The following AGMO variants were observed in gnomAD, a reference collection of about 807,000 sequenced individuals.
The protein encoded by AGMO is glyceryl-ether monooxygenase.
Under a neutral mutation model 60.2 loss-of-function variants are expected in AGMO, and 75 were observed. The observed-to-expected ratio is 1.25, with a 90% CI of 1.03 to 1.51. The LOEUF (loss-of-function observed/expected upper bound fraction) is 1.51. Among genes scored for constraint, AGMO ranks in the 40% most tolerant of loss-of-function variants. The pLI, the probability that AGMO is intolerant of heterozygous loss-of-function variation, is 0.00. For synonymous variants in AGMO, 261 were observed against 177.1 expected (o/e 1.47, Z -3.76); for missense variants, 763 against 525.5 (o/e 1.45, Z -4.42).
chr7:15,189,565 T>G, the AGMO span, among the ~76,000 whole-genome samples: 2 of 152,090 alleles, frequency 1.3e-5, no homozygotes, highest in African/African-American at 4.8e-5. Context: ...TTTTTTGAAG[T>G]GAAGTCAGCC....
chr7:15,406,922 T>TACACAC (rs573526404), intron 5 of AGMO, among the ~76,000 whole-genome samples: 1,639 of 109,144 alleles, frequency 0.015, 36 homozygotes, highest in African/African-American at 0.051. Flanking sequence ...TTGTTTGGAA[T>TACACAC]ACACACGCGC....
At chr7:15,185,518 T>G in the AGMO span, among the ~76,000 whole-genome samples, 1 of 152,214 alleles carries the variant, frequency 6.6e-6, no homozygotes, top group East Asian at 1.9e-4. Context: ...CTAGGTGATC[T>G]ATGGCCCTAG....
chr7:15,196,812 T>C (rs560191845), downstream of AGMO, among the ~76,000 whole-genome samples: 2 of 152,314 alleles, frequency 1.3e-5, no homozygotes, highest in East Asian at 3.9e-4. Context: ...ATGAAGTTAT[T>C]ATGATTCATG....
intron 12 of AGMO, among the ~76,000 whole-genome samples, chr7:15,207,900 C>T (rs920521326): frequency 5.9e-5 from 9 of 152,146 alleles, no homozygotes; most frequent in Admixed American, 5.2e-4. Context: ...TGCCACTGCA[C>T]TCCAGCCTGG....
chr7:15,382,671 C>T (rs1048655391), intron 10 of AGMO, among the ~76,000 whole-genome samples: 7 of 152,050 alleles, frequency 4.6e-5, no homozygotes, highest in Non-Finnish European at 7.4e-5. Context: ...TTAGAGAAGC[C>T]CTTTTAGAAG....
chr7:15,315,039 C>T (rs1040966587), intron 12 of AGMO, among the ~76,000 whole-genome samples: 2 of 152,066 alleles, frequency 1.3e-5, no homozygotes, highest in Non-Finnish European at 2.9e-5. Context: ...AAATGGGAAC[C>T]TAAGTCCTAT....
intron 12 of AGMO, among the ~76,000 whole-genome samples, chr7:15,310,067 C>G (rs1780725633): frequency 6.6e-6 from 1 of 152,052 alleles, no homozygotes; most frequent in Non-Finnish European, 1.5e-5. Context: ...TCCCAAGCTC[C>G]CCACATGCTT....
chr7:15,430,612 A>T lies in AGMO; in HGVS notation c.513+393T>A, dbSNP rs568537034. On this transcript the variant is annotated intron_variant, in intron 4 of 12. Coordinates refer to ENST00000342526, the MANE Select transcript of AGMO (RefSeq NM_001004320.2). ...AATTAGTTGTTTTTTTTAAAAAAAA[A>T]AAACAACTGGTTTTTTTTAAAAAAA... is the stretch of plus-strand genomic sequence containing the variant. Among the ~76,000 whole-genome samples, 645 of 135,922 alleles carry T rather than the reference A, an allele frequency of 4.7e-3. 5 individuals carry two copies. The highest frequency in any genetic ancestry group is 0.017 in the African/African-American group (616 of 36,738). The allele number at this position is 135,922 out of a possible 152,430, so 89.2% of individuals were successfully genotyped here. A position where few individuals can be genotyped will look rare whatever the true frequency, so the allele number is the denominator to read the frequency against.
intron 12 of AGMO, among the ~76,000 whole-genome samples, chr7:15,218,912 G>T (rs1172045946): frequency 6.6e-6 from 1 of 152,110 alleles, no homozygotes; most frequent in Non-Finnish European, 1.5e-5. Flanking sequence ...TTCAGTGCTA[G>T]ACTGAATAAG....
In AGMO at chr7:15,226,830, AT is replaced by A. The variant is rs1382279912; in HGVS notation, c.1264-25472del. On this transcript the variant is annotated intron_variant, in intron 12 of 12. Transcript: ENST00000342526. ...CACTATTAAAGTCACTGTCTGAAGAATTTTTATATTCATGAAAAATAGTCTG... is the reference window on the plus strand; with the variant it reads ...CACTATTAAAGTCACTGTCTGAAGAATTTTATATTCATGAAAAATAGTCTG... 2.0e-5 allele frequency among the ~76,000 whole-genome samples: 3 copies of A among 152,232 alleles called. No homozygotes were observed. The East Asian group carries it at 5.8e-4, about 29-fold the overall frequency.
intron 10 of AGMO, among the ~76,000 whole-genome samples, chr7:15,372,225 CG>C (rs1783249884): frequency 6.6e-6 from 1 of 151,892 alleles, no homozygotes; most frequent in Non-Finnish European, 1.5e-5. Flanking sequence ...CTGAGGTGAG[CG>C]GATCACTTGA....
chr7:15,551,937 A>AACCAAAACAGCATGGTACTGGT, intron 2 of AGMO, among the ~76,000 whole-genome samples: 1 of 151,642 alleles, frequency 6.6e-6, no homozygotes, highest in African/African-American at 2.4e-5. Context: ...AGGCTACAGT[A>AACCAAAACAGCATGGTACTGGT]ACCAAAACAG....
At chr7:15,409,990 AAAAT>A (rs909562052) in intron 5 of AGMO, among the ~76,000 whole-genome samples, 2 of 151,548 alleles carry the variant, frequency 1.3e-5, no homozygotes, top group Non-Finnish European at 2.9e-5. Context: ...GGCTCACAAT[AAAAT>A]AAATAAATAA....
intron 5 of AGMO, chr7:15,396,282 G>A (rs1784377526): frequency 6.6e-6 from 1 of 152,304 alleles, no homozygotes; most frequent in African/African-American, 2.4e-5. Context: ...CTCCGGAGTT[G>A]TTCTTCACAC....
intron 12 of AGMO, among the ~76,000 whole-genome samples, chr7:15,249,870 T>C (rs1487816527): frequency 6.6e-6 from 1 of 152,204 alleles, no homozygotes; most frequent in Admixed American, 6.5e-5. Flanking sequence ...CAATGGTTTC[T>C]AAAATTTAGC....
intron 12 of AGMO, among the ~76,000 whole-genome samples, chr7:15,357,040 C>G (rs1010207095): frequency 1.3e-5 from 2 of 150,154 alleles, no homozygotes; most frequent in African/African-American, 2.4e-5. Flanking sequence ...AGGAGAATCG[C>G]TTAAACCTGG....
chr7:15,346,577 T>C (rs7776940), intron 12 of AGMO, among the ~76,000 whole-genome samples: 83,211 of 150,326 alleles, frequency 0.55, 24,399 homozygotes, highest in African/African-American at 0.77. Context: ...CTTCTTTATA[T>C]TTCAAGCCTC....
At chr7:15,192,344 G>A in the AGMO span, among the ~76,000 whole-genome samples, 3 of 151,978 alleles carry the variant, frequency 2.0e-5, no homozygotes, top group Non-Finnish European at 4.4e-5. Flanking sequence ...GAGCAGCATG[G>A]CAGAGAAGGA....
chr7:15,412,744 T>G lies in AGMO; in HGVS notation c.609+5814A>C, dbSNP rs908625388. Among the ~76,000 whole-genome samples, 3 of 100,598 alleles carry G rather than the reference T, an allele frequency of 3.0e-5. 1 individual carries two copies. The South Asian group carries it at 9.0e-4, about 30-fold the overall frequency. The allele number at this position is 100,598 out of a possible 152,430, so 66.0% of individuals were successfully genotyped here. On this transcript the variant is annotated intron_variant, in intron 5 of 12. Transcript: ENST00000342526. ...CCCTAAAATTGAAGATCACCAAGGATAAGGAATATGCCCTAAGGCTAAAGG... is the reference window on the plus strand; with the variant it reads ...CCCTAAAATTGAAGATCACCAAGGAGAAGGAATATGCCCTAAGGCTAAAGG...
Sources: gnomAD v4.1 joint callset for allele counts (sites outside exome capture counted in the v4.1 genomes callset) on GRCh38, gnomAD v4.1.1 for gene constraint, MANE v1.5 for transcripts, NCBI Gene and HGNC (gene_info 2026-07-23, HGNC 2026-07-21) for gene names.